TET3: variants seen among roughly 807,000 people sequenced by gnomAD.
The protein encoded by TET3 is tet methylcytosine dioxygenase 3.
A neutral mutation model predicts 141.4 loss-of-function variants in TET3; 19 were observed. The ratio of observed to expected loss-of-function variants is 0.13; its 90% CI spans 0.09 to 0.20. The LOEUF (loss-of-function observed/expected upper bound fraction) is 0.20, where lower values mean the gene tolerates loss of function less well. TET3 is among the 10% of genes least tolerant of loss of function. The pLI, the probability that TET3 is intolerant of heterozygous loss-of-function variation, is 1.00. For missense variants in TET3, 1,874 were observed against 2,356.9 expected, an observed-to-expected ratio of 0.80 and a Z score of 4.24; for synonymous variants, 1,043 against 980.9, an observed-to-expected ratio of 1.06 and a Z score of -1.18.
chr2:73,990,904 A>G (rs1333657781), intron 2 of TET3, among the ~76,000 whole-genome samples: 1 of 152,158 alleles, frequency 6.6e-6, no homozygotes, highest in Non-Finnish European at 1.5e-5. Context: ...AGTGGAAGTG[A>G]TGAGAATCTT....
At chr2:74,119,742 C>T in the TET3 span, among the ~76,000 whole-genome samples, 3 of 152,176 alleles carry the variant, frequency 2.0e-5, no homozygotes, top group Admixed American at 2.0e-4. Context: ...ATTATTACCA[C>T]GATTGCTGCA....
intron 2 of TET3, chr2:74,002,609 A>C (rs939828670): frequency 1.2e-5 from 4 of 343,472 alleles, no homozygotes; most frequent in Non-Finnish European, 2.1e-5. Flanking sequence ...CAGGTCCACC[A>C]GGCGGGGGCA....
rs1363331522 is a variant in TET3, at chr2:74,106,503, C to T, written c.*4327C>T. Reference sequence around the variant, plus strand: ...GAGACCAGATGGATCTCCTTCCTCCCCTGGCACTGGCTGGGACCATGGTGG... The same window carrying T: ...GAGACCAGATGGATCTCCTTCCTCCTCTGGCACTGGCTGGGACCATGGTGG... On this transcript the variant is annotated 3_prime_UTR_variant, in exon 12 of 12. Coordinates refer to ENST00000409262, the MANE Select transcript of TET3 (RefSeq NM_001287491.2). The T allele has an allele frequency of 6.5e-6, 1 of 153,796 alleles. No individual in the cohort carries two copies. Among genetic ancestry groups the T allele is most frequent in the Non-Finnish European group, 1.5e-5 (1 of 68,086 alleles). 9.5% of individuals were successfully genotyped at this position (153,796 alleles called of 1,614,324 possible). A position where few individuals can be genotyped will look rare whatever the true frequency, so the allele number is the denominator to read the frequency against.
rs754699042 is a variant in TET3 at position 74,047,301 on chromosome 2, G to A, written c.1384G>A (p.Glu462Lys). The A allele has an allele frequency of 3.1e-6, 5 of 1,614,014 alleles. No individual in the cohort carries two copies. The Admixed American group carries it at 5.0e-5, about 16-fold the overall frequency. Reference sequence around the variant, plus strand: ...TCGCCCAAGCCCCGATCCCATGGCTGAACTGGAGCAGTTGTTGGGCAGCGC... The same window carrying A: ...TCGCCCAAGCCCCGATCCCATGGCTAAACTGGAGCAGTTGTTGGGCAGCGC... ...MPRPSPDPMA[E>K]LEQLLGSASD... Residue 462 changes from glutamate to lysine, a missense_variant, in exon 4 of 12, where the codon GAA becomes AAA. By Grantham distance (56) the Glu-to-Lys change is moderately conservative. Around this residue, in one of 10 missense-constraint regions of TET3, gnomAD observed 484 missense variants for 462.2 expected, o/e 1.05. Coordinates refer to ENST00000409262, the MANE Select transcript of TET3 (RefSeq NM_001287491.2).
chr2:74,048,502 A>AT (rs1189478924), intron 4 of TET3, 91 bp downstream of exon 4: 2 of 1,368,152 alleles, frequency 1.5e-6, no homozygotes, highest in East Asian at 4.9e-5. Context: ...TTTGGCAAAC[A>AT]TTTATTTGTG....
intron 3 of TET3, among the ~76,000 whole-genome samples, chr2:74,014,584 C>T (rs999662929): frequency 6.6e-6 from 1 of 152,102 alleles, no homozygotes; most frequent in Admixed American, 6.5e-5. Flanking sequence ...TTACCCTAAG[C>T]AAAATCAGTT....
chr2:74,085,301 G>T (rs1690061966), intron 6 of TET3, among the ~76,000 whole-genome samples: 1 of 152,156 alleles, frequency 6.6e-6, no homozygotes, highest in Non-Finnish European at 1.5e-5. Context: ...AATAAGGCCT[G>T]GCCTCCCCCT....
At position 74,081,796 on chromosome 2, in the gene TET3, A is replaced by G. The variant is rs1417610901; in HGVS notation, c.2679+1205A>G. On this transcript the variant is annotated intron_variant, in intron 6 of 11. Transcript: ENST00000409262. ...CTTTGTGTCTTTGTGTTTGGTGAAA[A>G]TAAAAGGTGTCTGAACTTGAACTAC... Among the ~76,000 whole-genome samples the G allele has an allele frequency of 2.0e-5, 3 of 152,216 alleles. No individual in the cohort carries two copies. In the South Asian group the frequency reaches 6.2e-4, roughly 31 times the overall value.
At chr2:74,049,761 C>T (rs961282608) in intron 4 of TET3, among the ~76,000 whole-genome samples, 4 of 152,250 alleles carry the variant, frequency 2.6e-5, no homozygotes, top group South Asian at 2.1e-4. Context: ...TACCCCTCCC[C>T]GATCCTGGGG....
rs754055448 is a variant in TET3 at position 74,100,355 on chromosome 2, T to C, written c.3605-38T>C. ...CCAGGGCCTCTCCAGGCTGTGGTGT[T>C]GTCTGCCCCTCTGCCATCTTGCCTT... On this transcript the variant is annotated intron_variant, in intron 11 of 11. Coordinates refer to ENST00000409262, the MANE Select transcript of TET3 (RefSeq NM_001287491.2). 15 of 1,544,238 alleles carry C rather than the reference T, an allele frequency of 9.7e-6. No homozygotes were observed. In the South Asian group the frequency reaches 1.8e-4, roughly 19 times the overall value.
At chr2:74,135,355 A>G in the TET3 span, 2 of 647,618 alleles carry the variant, frequency 3.1e-6, no homozygotes, top group Non-Finnish European at 5.4e-6. Context: ...CTGTCTAAAG[A>G]CAAGACCCCT....
intron 10 of TET3, among the ~76,000 whole-genome samples, chr2:74,098,666 C>T (rs549582719): frequency 6.6e-6 from 1 of 150,650 alleles, no homozygotes; most frequent in African/African-American, 2.4e-5. Context: ...ATGATCTTGG[C>T]TCACTGCAAC....
chr2:74,068,044 G>GAT (rs1487225000), intron 4 of TET3, among the ~76,000 whole-genome samples: 4 of 152,184 alleles, frequency 2.6e-5, no homozygotes, highest in African/African-American at 9.7e-5. Flanking sequence ...AGACCATGGT[G>GAT]ATAATTGAGG....
At chr2:74,134,906 C>T in the TET3 span, 22 of 378,878 alleles carry the variant, frequency 5.8e-5, no homozygotes, top group East Asian at 6.8e-4. Context: ...CCCTGCTCCT[C>T]GGTGTGACTT....
At chr2:74,073,890 T>C (rs1689351271) in intron 5 of TET3, 1 of 350,550 alleles carries the variant, frequency 2.9e-6, no homozygotes. Flanking sequence ...GTTATATGGC[T>C]CTATGTCCTG....
intron 8 of TET3, among the ~76,000 whole-genome samples, chr2:74,092,164 G>A (rs1193047547): frequency 2.0e-5 from 3 of 152,106 alleles, no homozygotes; most frequent in African/African-American, 7.2e-5. Flanking sequence ...GAAATTAGCC[G>A]GCTGTGGGCA....
intron 3 of TET3, 122 bp downstream of exon 3, chr2:74,003,288 G>A: frequency 7.5e-7 from 1 of 1,328,944 alleles, no homozygotes; most frequent in South Asian, 1.4e-5. Context: ...TGTGTGTGTA[G>A]CAGCAGCTGA....
intron 4 of TET3, among the ~76,000 whole-genome samples, chr2:74,052,826 C>T (rs1010581949): frequency 2.0e-5 from 3 of 152,244 alleles, no homozygotes; most frequent in African/African-American, 7.2e-5. Flanking sequence ...GCTGAGATCA[C>T]GCCACTGCAC....
At chr2:74,061,539 C>T (rs1253619221) in intron 4 of TET3, among the ~76,000 whole-genome samples, 13 of 142,404 alleles carry the variant, frequency 9.1e-5, no homozygotes, top group East Asian at 4.5e-4. Flanking sequence ...CCAGTAGGGG[C>T]GGCCGGGCAG....
Sources: gnomAD v4.1 joint callset for allele counts (sites outside exome capture counted in the v4.1 genomes callset) on GRCh38, gnomAD v4.1.1 for gene constraint, gnomAD v4.1.1 regional missense constraint, MANE v1.5 for transcripts, NCBI Gene and HGNC (gene_info 2026-07-23, HGNC 2026-07-21) for gene names.